Variants in ZNF682 observed in about 807,000 individuals in gnomAD.
ZNF682 encodes zinc finger protein 682.
Under a neutral mutation model 36.5 loss-of-function variants are expected in ZNF682, and 29 were observed. That is an observed-to-expected ratio of 0.80 (90% CI 0.59 to 1.08). The LOEUF is 1.08. ZNF682 is among the 50% of genes least tolerant of loss of function. ZNF682 has a pLI of 0.00. For missense variants in ZNF682, 561 were observed against 579.7 expected, an observed-to-expected ratio of 0.97 and a Z score of 0.33; for synonymous variants, 180 against 197.0, an observed-to-expected ratio of 0.91 and a Z score of 0.72.
chr19:20,010,178 G>T (rs548625966), intron 3 of ZNF682, among the ~76,000 whole-genome samples: 1 of 152,250 alleles, frequency 6.6e-6, no homozygotes, highest in South Asian at 2.1e-4. Context: ...ATCACAAGGT[G>T]CTTAAGAGTG....
At position 20,006,868 on chromosome 19, in the gene ZNF682, A is replaced by T. The variant is rs1361908046; in HGVS notation, c.634T>A (p.Trp212Arg). ...TTATGTTTAGTAAGGTATGAGAACC[A>T]CTTAAAGGTTTTGCCACATTCCTCA... Reference protein sequence around the residue: ...ICEECGKTFKWFSYLTKHKRI... With the variant: ...ICEECGKTFKRFSYLTKHKRI... The change falls in exon 4 of 4, where the codon TGG (tryptophan) becomes AGG (arginine). Residue 212 changes from tryptophan to arginine, a missense_variant. Coordinates refer to ENST00000397165, the MANE Select transcript of ZNF682 (RefSeq NM_033196.3). The T allele has an allele frequency of 6.2e-7, 1 of 1,614,000 alleles. No homozygotes were observed. Among genetic ancestry groups the T allele is most frequent in the Non-Finnish European group, 8.5e-7 (1 of 1,179,916 alleles).
intron 3 of ZNF682, among the ~76,000 whole-genome samples, chr19:20,020,001 C>T (rs961527311): frequency 5.3e-5 from 8 of 150,370 alleles, no homozygotes; most frequent in Admixed American, 4.0e-4. Flanking sequence ...TGCTTGAGCC[C>T]AGGAGTTCAA....
At chr19:20,017,994 C>G (rs2088348923) in intron 3 of ZNF682, among the ~76,000 whole-genome samples, 1 of 141,934 alleles carries the variant, frequency 7.0e-6, no homozygotes, top group South Asian at 2.3e-4. Context: ...CAGCCACGTA[C>G]AAATTCAATG....
chr19:19,998,211 T>C (rs1035003070), intron 3 of ZNF682, among the ~76,000 whole-genome samples: 1 of 151,964 alleles, frequency 6.6e-6, no homozygotes, highest in African/African-American at 2.4e-5. Context: ...TAATATAAAG[T>C]AGAATGTTGA....
rs181973273 is a variant in ZNF682 at position 20,009,171 on chromosome 19, G to T, written c.227-1896C>A. On this transcript the variant is annotated intron_variant, in intron 3 of 3. Transcript: ENST00000397165. Reference sequence around the variant, plus strand: ...TCAAAAGGATCTCACTAGTTCCTTTGAAAGAACCAAACACAACTTTAAAAG... The same window carrying T: ...TCAAAAGGATCTCACTAGTTCCTTTTAAAGAACCAAACACAACTTTAAAAG... 6.6e-3 allele frequency among the ~76,000 whole-genome samples: 1,009 copies of T among 152,222 alleles called. 7 individuals carry two copies. Among genetic ancestry groups the T allele is most frequent in the Non-Finnish European group, 0.011 (748 of 67,982 alleles).
downstream of ZNF682, among the ~76,000 whole-genome samples, chr19:19,995,192 A>G (rs2088122595): frequency 6.6e-6 from 1 of 151,934 alleles, no homozygotes; most frequent in Admixed American, 6.5e-5. Context: ...AACAAATAAT[A>G]TAATAAGCAA....
rs1435692400 is a variant in ZNF682, at chr19:20,005,100, A to G, written c.*905T>C. ...CTAGCGTTCTTTCTTTTTTTTTGAG[A>G]CAGAGTCTCTGTCGCCCAGGTTGGA... is the stretch of plus-strand genomic sequence containing the variant. On this transcript the variant is annotated 3_prime_UTR_variant, in exon 4 of 4. Coordinates refer to ENST00000397165, the MANE Select transcript of ZNF682 (RefSeq NM_033196.3). 1 of 151,468 alleles carries G rather than the reference A, an allele frequency of 6.6e-6. No individual in the cohort carries two copies. Among genetic ancestry groups the G allele is most frequent in the African/African-American group, 2.4e-5 (1 of 41,236 alleles). 9.4% of individuals were successfully genotyped at this position (151,468 alleles called of 1,614,324 possible).
chr19:20,035,966 C>G (rs1485294544), intron 1 of ZNF682, among the ~76,000 whole-genome samples: 1 of 152,088 alleles, frequency 6.6e-6, no homozygotes, highest in African/African-American at 2.4e-5. Flanking sequence ...GAACTCCTGA[C>G]CTCAGGTGAT....
intron 1 of ZNF682, 172 bp downstream of exon 1, chr19:20,039,171 A>G (rs990184646): frequency 2.2e-6 from 3 of 1,392,500 alleles, no homozygotes; most frequent in African/African-American, 2.9e-5. Flanking sequence ...CTGCTGGCCC[A>G]CCTCGCATCC....
At chr19:20,029,442 A>G (rs562751839) in intron 1 of ZNF682, among the ~76,000 whole-genome samples, 118 of 151,662 alleles carry the variant, frequency 7.8e-4, no homozygotes, top group African/African-American at 2.9e-3. Flanking sequence ...CTCTACTAAA[A>G]ATACAAAAAT....
intron 2 of ZNF682, 119 bp from the exon 3 acceptor site, chr19:20,023,218 G>C: frequency 3.3e-6 from 3 of 917,630 alleles, no homozygotes; most frequent in Non-Finnish European, 4.8e-6. Flanking sequence ...TAATAATAAG[G>C]ACAGGCGCGT....
At chr19:20,015,866 A>G (rs2088330266) in intron 3 of ZNF682, 1 of 398,004 alleles carries the variant, frequency 2.5e-6, no homozygotes, top group Non-Finnish European at 4.4e-6. Flanking sequence ...GAAAAGACTT[A>G]CATCTTTTAC....
rs376284829 is a variant in ZNF682 at position 20,026,180 on chromosome 19, G to A, written c.4-1804C>T. Reference sequence around the variant, plus strand: ...TAGCCAGGTGTGGTGGTGGGCGCCTGTAGTCCCAGCTACTCGGGAGGCTGA... The same window carrying A: ...TAGCCAGGTGTGGTGGTGGGCGCCTATAGTCCCAGCTACTCGGGAGGCTGA... On this transcript the variant is annotated intron_variant, in intron 1 of 3. Transcript: ENST00000397165. 3.5e-4 allele frequency among the ~76,000 whole-genome samples: 53 copies of A among 152,040 alleles called. 1 individual carries two copies. In the Middle Eastern group the frequency reaches 0.027, roughly 79 times the overall value.
chr19:20,002,371 G>C (rs541565197), downstream of ZNF682, among the ~76,000 whole-genome samples: 1 of 151,674 alleles, frequency 6.6e-6, no homozygotes, highest in Admixed American at 6.6e-5. Context: ...TCTTTTAGCC[G>C]ATCTTTGTCC....
rs186653224 is a variant in ZNF682, at chr19:19,997,938, C to A, written c.227-675G>T. On this transcript the variant is annotated intron_variant, in intron 3 of 3. Transcript: ENST00000596019. ...AGCAGCTGGAGCAAAGAAGTCACAC[C>A]GAGGTCATGCACCTTGAGTTATTAT... Among the ~76,000 whole-genome samples the A allele has an allele frequency of 5.3e-5, 8 of 152,280 alleles. No homozygotes were observed. The East Asian group carries it at 1.5e-3, about 29-fold the overall frequency.
chr19:20,007,256 A>G lies in ZNF682; in HGVS notation c.246T>C (p.Thr82=). The G allele has an allele frequency of 1.2e-6, 2 of 1,607,478 alleles. No individual in the cohort carries two copies. The highest frequency in any genetic ancestry group is 1.7e-6 in the Non-Finnish European group (2 of 1,177,740). ...TGCACTGTTCTGGCAAAAGGTCTTC[A>G]GTGTAATGAGAAGACATAGCTGAAA... ...AKPPAMSSHY[T]EDLLPEQCMQ... The change falls in exon 4 of 4, where the codon ACT becomes ACC. Residue 82 remains threonine (T), a synonymous_variant. Transcript: ENST00000397165.
intron 3 of ZNF682, among the ~76,000 whole-genome samples, chr19:20,008,375 C>T (rs1293442192): frequency 6.6e-6 from 1 of 152,210 alleles, no homozygotes; most frequent in Non-Finnish European, 1.5e-5. Flanking sequence ...ATTCAGCCTG[C>T]TCCCAGGGAA....
intron 1 of ZNF682, among the ~76,000 whole-genome samples, chr19:20,031,619 C>T (rs1010403698): frequency 6.6e-6 from 1 of 152,094 alleles, no homozygotes; most frequent in Non-Finnish European, 1.5e-5. Context: ...GAGGAGAGAT[C>T]CAGTCATGGA....
At position 20,024,359 on chromosome 19, in the gene ZNF682, C is replaced by G; in HGVS notation, c.21G>C (p.Arg7Ser). 3.1e-6 allele frequency: 5 copies of G among 1,611,470 alleles called. No homozygotes were observed. Among genetic ancestry groups the G allele is most frequent in the Non-Finnish European group, 4.2e-6 (5 of 1,179,084 alleles). Reference protein sequence around the residue: MELLTFRDVTIEFSLEE... With the variant: MELLTFSDVTIEFSLEE... ...CCAGAGAGAATTCTATGGTCACATC[C>G]CTGAATGTCAACAGTTCCTGAAAAA... Residue 7 changes from arginine to serine, a missense_variant, in exon 2 of 4, where the codon AGG becomes AGC. Transcript: ENST00000397165.
Sources: gnomAD v4.1 joint callset for allele counts (sites outside exome capture counted in the v4.1 genomes callset) on GRCh38, gnomAD v4.1.1 for gene constraint, MANE v1.5 for transcripts, NCBI Gene and HGNC (gene_info 2026-07-23, HGNC 2026-07-21) for gene names.